EDIL3: variants seen among roughly 807,000 people sequenced by gnomAD.
The protein encoded by EDIL3 is EGF like and discoidin domains 3.
EDIL3 carries 37 observed loss-of-function variants against 67.4 expected under a neutral mutation model. The observed-to-expected ratio is 0.55, with a 90% CI of 0.42 to 0.72. The LOEUF is 0.72. EDIL3 is among the 30% of genes least tolerant of loss of function. The pLI, the probability that EDIL3 is intolerant of heterozygous loss-of-function variation, is 0.00. For synonymous variants in EDIL3, 195 were observed against 196.3 expected (o/e 0.99, Z 0.05); for missense variants, 527 against 586.3 (o/e 0.90, Z 1.04).
intron 4 of EDIL3, among the ~76,000 whole-genome samples, chr5:84,177,178 A>G (rs1293468320): frequency 6.6e-6 from 1 of 152,212 alleles, no homozygotes; most frequent in African/African-American, 2.4e-5. Flanking sequence ...CCAAAACTAG[A>G]GGCAACCAAG....
chr5:84,314,924 T>TTTGA (rs1746479230), intron 1 of EDIL3, among the ~76,000 whole-genome samples: 2 of 152,144 alleles, frequency 1.3e-5, no homozygotes, highest in South Asian at 4.1e-4. Context: ...TTTTGAATTT[T>TTTGA]ATTATTTTTA....
At chr5:84,351,244 G>T (rs897794708) in intron 1 of EDIL3, among the ~76,000 whole-genome samples, 2 of 152,054 alleles carry the variant, frequency 1.3e-5, no homozygotes, top group African/African-American at 4.8e-5. Flanking sequence ...TCTTGGCAGG[G>T]TTTTGAGATA....
intron 9 of EDIL3, among the ~76,000 whole-genome samples, chr5:84,005,954 G>A (rs376777145): frequency 2.4e-4 from 36 of 152,012 alleles, no homozygotes; most frequent in Middle Eastern, 3.4e-3. Flanking sequence ...TCCTAGATGT[G>A]ATAAACAACT....
At chr5:84,173,096 T>A (rs956682609) in intron 4 of EDIL3, among the ~76,000 whole-genome samples, 5 of 152,160 alleles carry the variant, frequency 3.3e-5, no homozygotes, top group African/African-American at 1.2e-4. Context: ...AGGAGAAATC[T>A]GCGAGATAAA....
intron 9 of EDIL3, among the ~76,000 whole-genome samples, chr5:84,054,747 T>G (rs1746411001): frequency 6.6e-6 from 1 of 151,780 alleles, no homozygotes. Context: ...GAATCCAACT[T>G]ACAAGGGATG....
intron 9 of EDIL3, among the ~76,000 whole-genome samples, chr5:83,966,774 T>C (rs1434057412): frequency 6.6e-6 from 1 of 152,092 alleles, no homozygotes; most frequent in Non-Finnish European, 1.5e-5. Context: ...GTAAGTACTA[T>C]GGAAGACTTT....
chr5:84,220,057 G>T (rs1413287487), intron 3 of EDIL3, among the ~76,000 whole-genome samples: 1 of 152,072 alleles, frequency 6.6e-6, no homozygotes, highest in Non-Finnish European at 1.5e-5. Flanking sequence ...GCACAGCAGG[G>T]TAACTGCAGT....
At chr5:84,279,944 A>C (rs1485965286) in intron 1 of EDIL3, among the ~76,000 whole-genome samples, 1 of 152,192 alleles carries the variant, frequency 6.6e-6, no homozygotes, top group Non-Finnish European at 1.5e-5. Context: ...TTAATGTACC[A>C]CTGCTCATGA....
At chr5:84,362,404 T>C (rs1197978067) in intron 1 of EDIL3, among the ~76,000 whole-genome samples, 4 of 152,168 alleles carry the variant, frequency 2.6e-5, no homozygotes, top group East Asian at 1.9e-4. Flanking sequence ...TCAAATAAAA[T>C]GGCTGATTCA....
At chr5:84,344,908 TATA>T (rs1246363169) in intron 1 of EDIL3, among the ~76,000 whole-genome samples, 2 of 152,140 alleles carry the variant, frequency 1.3e-5, no homozygotes, top group African/African-American at 2.4e-5. Context: ...AGTTCAAAAT[TATA>T]ATATCACTTT....
intron 3 of EDIL3, among the ~76,000 whole-genome samples, chr5:84,215,507 C>T (rs958303289): frequency 6.6e-6 from 1 of 152,178 alleles, no homozygotes; most frequent in African/African-American, 2.4e-5. Flanking sequence ...CCTCCTGGGC[C>T]TCCCAAAGTG....
chr5:84,332,408 T>C (rs1213876933), intron 1 of EDIL3, among the ~76,000 whole-genome samples: 1 of 152,150 alleles, frequency 6.6e-6, no homozygotes, highest in Non-Finnish European at 1.5e-5. Flanking sequence ...TGGAACTGAA[T>C]ACTGCGATGG....
chr5:84,207,628 A>G (rs1097339), intron 3 of EDIL3, among the ~76,000 whole-genome samples: 80,885 of 147,788 alleles, frequency 0.55, 22,084 homozygotes, highest in East Asian at 0.71. Flanking sequence ...GAGGCATCAC[A>G]CTACCTGACT....
chr5:84,340,376 A>C (rs934394397), intron 1 of EDIL3, among the ~76,000 whole-genome samples: 18 of 151,578 alleles, frequency 1.2e-4, no homozygotes, highest in Admixed American at 9.9e-4. Context: ...GGATGATAAT[A>C]ATCCATTTCT....
At chr5:83,994,535 T>C (rs1745204892) in intron 9 of EDIL3, among the ~76,000 whole-genome samples, 1 of 152,206 alleles carries the variant, frequency 6.6e-6, no homozygotes, top group Admixed American at 6.5e-5. Context: ...TTTAATAAGC[T>C]GTTTTTCCTA....
chr5:84,234,227 C>T (rs147004469), intron 2 of EDIL3, among the ~76,000 whole-genome samples: 79 of 152,302 alleles, frequency 5.2e-4, no homozygotes, highest in Non-Finnish European at 9.3e-4. Context: ...AGCTTACCAC[C>T]ATGCTTTGAT....
intron 9 of EDIL3, among the ~76,000 whole-genome samples, chr5:83,966,338 T>G (rs1031978263): frequency 1.7e-4 from 26 of 152,250 alleles, no homozygotes; most frequent in Admixed American, 1.5e-3. Flanking sequence ...GAGTTGGGAC[T>G]CCTTCTTAAG....
At chr5:84,193,513 T>C (rs1743634661) in intron 3 of EDIL3, among the ~76,000 whole-genome samples, 1 of 151,888 alleles carries the variant, frequency 6.6e-6, no homozygotes, top group African/African-American at 2.4e-5. Flanking sequence ...GGCCTGGAGA[T>C]ACTTAATGTT....
At chr5:84,314,144 C>T (rs1746463336) in intron 1 of EDIL3, among the ~76,000 whole-genome samples, 1 of 151,976 alleles carries the variant, frequency 6.6e-6, no homozygotes, top group East Asian at 1.9e-4. Context: ...TGCAGTGAGC[C>T]AAGGTTGTGC....
Sources: gnomAD v4.1 joint callset for allele counts (sites outside exome capture counted in the v4.1 genomes callset) on GRCh38, gnomAD v4.1.1 for gene constraint, MANE v1.5 for transcripts, NCBI Gene and HGNC (gene_info 2026-07-23, HGNC 2026-07-21) for gene names.